The following FGFR1OP2 variants were observed in gnomAD, a reference collection of about 807,000 sequenced individuals.
FGFR1OP2 encodes fibroblast growth factor receptor 1 oncogene partner 2.
FGFR1OP2 carries 17 observed loss-of-function variants against 35.2 expected under a neutral mutation model. The observed-to-expected ratio is 0.48, with a 90% CI of 0.33 to 0.73. The LOEUF is 0.73. Among genes scored for constraint, FGFR1OP2 ranks in the 30% least tolerant of loss-of-function variants. The pLI is 0.02. For missense variants in FGFR1OP2, 251 were observed against 307.3 expected, an observed-to-expected ratio of 0.82 and a Z score of 1.37; for synonymous variants, 105 against 104.6, an observed-to-expected ratio of 1.00 and a Z score of -0.03.
At chr12:26,956,087 ATTC>A (rs1281073926) in intron 2 of FGFR1OP2, among the ~76,000 whole-genome samples, 2 of 152,088 alleles carry the variant, frequency 1.3e-5, no homozygotes, top group African/African-American at 4.8e-5. Flanking sequence ...CAGCGTGATA[ATTC>A]TTCTTCCGAT....
At chr12:26,959,328 G>T (rs1939069476) in intron 4 of FGFR1OP2, among the ~76,000 whole-genome samples, 1 of 151,848 alleles carries the variant, frequency 6.6e-6, no homozygotes, top group African/African-American at 2.4e-5. Context: ...AAATTTAAAG[G>T]TATAATAATA....
At chr12:26,953,034 G>A (rs748991813) in intron 1 of FGFR1OP2, among the ~76,000 whole-genome samples, 2 of 151,954 alleles carry the variant, frequency 1.3e-5, no homozygotes, top group Admixed American at 6.6e-5. Context: ...AGGCCAAGGC[G>A]GGCGGATCAT....
intron 2 of FGFR1OP2, 39 bp downstream of exon 2, chr12:26,954,332 G>C: frequency 6.4e-7 from 1 of 1,556,050 alleles, no homozygotes; most frequent in Non-Finnish European, 8.7e-7. Context: ...TTTATCAAAA[G>C]CAGTCATTGA....
At chr12:26,949,318 T>C (rs1938878624) in intron 1 of FGFR1OP2, among the ~76,000 whole-genome samples, 1 of 151,970 alleles carries the variant, frequency 6.6e-6, no homozygotes, top group Non-Finnish European at 1.5e-5. Flanking sequence ...TTGTATTTAG[T>C]AGAGATGGGG....
At chr12:26,950,213 G>GTTGTTTTTTTTTTTTTTTTTTTTTTT (rs1938898866) in intron 1 of FGFR1OP2, among the ~76,000 whole-genome samples, 4 of 50,934 alleles carry the variant, frequency 7.9e-5, no homozygotes, top group African/African-American at 3.2e-4. Context: ...TGTATTCGTT[G>GTTGTTTTTTTTTTTTTTTTTTTTTTT]TTTTTTTTTT....
Position 26,956,659 on chromosome 12 carries a change from A to G in FGFR1OP2, c.252A>G (p.Lys84=). ...TCAGAGAGTTGCAACAAGAAAACAA[A>G]GGTAAGATACGTTACTTTTTGACAT... ...RQIRELQQEN[K]ELRTSLEEHQ... Residue 84 remains lysine (K), a splice_region_variant and synonymous_variant, in exon 3 of 7, where the codon AAA becomes AAG. Transcript: ENST00000229395. The G allele has an allele frequency of 6.4e-7, 1 of 1,562,278 alleles. No homozygotes were observed.
At chr12:26,958,483 T>C (rs2136358718) in intron 4 of FGFR1OP2, among the ~76,000 whole-genome samples, 1 of 152,350 alleles carries the variant, frequency 6.6e-6, no homozygotes, top group African/African-American at 2.4e-5. Context: ...AATGTAGATT[T>C]TTCTTAAGAC....
chr12:26,945,866 A>G (rs1337340798), intron 1 of FGFR1OP2, among the ~76,000 whole-genome samples: 1 of 152,112 alleles, frequency 6.6e-6, no homozygotes, highest in Non-Finnish European at 1.5e-5. Context: ...CGTCTCAAAA[A>G]AAAAAAAAAA....
intron 4 of FGFR1OP2, 56 bp from the exon 5 acceptor site, chr12:26,960,459 A>G: frequency 1.6e-6 from 2 of 1,285,240 alleles, no homozygotes; most frequent in Admixed American, 3.7e-5. Context: ...ACACTCATTC[A>G]GTTTTTAAAT....
At chr12:26,941,211 G>A (rs1047176689) in intron 1 of FGFR1OP2, among the ~76,000 whole-genome samples, 1 of 152,006 alleles carries the variant, frequency 6.6e-6, no homozygotes, top group African/African-American at 2.4e-5. Context: ...TATAAAAATA[G>A]GCCGAAAAGT....
chr12:26,955,936 T>C (rs1939011131), intron 2 of FGFR1OP2, among the ~76,000 whole-genome samples: 1 of 152,156 alleles, frequency 6.6e-6, no homozygotes, highest in Non-Finnish European at 1.5e-5. Flanking sequence ...GTCCGACCTG[T>C]GACTTGCTGG....
rs1390505515 is a variant in FGFR1OP2, at chr12:26,964,683, T to A, written c.712T>A (p.Ser238Thr). Residue 238 changes from serine to threonine, a missense_variant, in exon 7 of 7, where the codon TCT (serine) becomes ACT (threonine). Physicochemically the swap from Ser to Thr is moderately conservative, Grantham distance 58 (BLOSUM62 1). Coordinates refer to ENST00000229395, the MANE Select transcript of FGFR1OP2 (RefSeq NM_015633.3). The part of the protein sequence containing the change: ...LRKDDASEST[S>T]LSALVTNSDL... ...GAAAGATGATGCGTCGGAAAGTACT[T>A]CTTTGTCAGCATTAGTGACCAACAG... is the stretch of plus-strand genomic sequence containing the variant. 1 of 1,611,992 alleles carries A rather than the reference T, an allele frequency of 6.2e-7. No individual in the cohort carries two copies. Among genetic ancestry groups the A allele is most frequent in the African/African-American group, 1.3e-5 (1 of 74,880 alleles).
At chr12:26,961,082 A>G (rs17407618) in intron 5 of FGFR1OP2, 2,717 of 154,536 alleles carry the variant, frequency 0.018, 43 homozygotes, top group South Asian at 0.052. Flanking sequence ...GATTAAGTAT[A>G]GTAGTGCTCT....
chr12:26,959,030 C>T (rs556739645), intron 4 of FGFR1OP2, among the ~76,000 whole-genome samples: 3 of 152,116 alleles, frequency 2.0e-5, no homozygotes, highest in African/African-American at 7.2e-5. Context: ...TAAAATACTT[C>T]TTCCATTTTG....
intron 1 of FGFR1OP2, among the ~76,000 whole-genome samples, chr12:26,953,898 C>A (rs927658150): frequency 6.6e-6 from 1 of 152,156 alleles, no homozygotes; most frequent in Admixed American, 6.5e-5. Flanking sequence ...GTTTTAAATG[C>A]GTTCTAGTTC....
chr12:26,950,717 A>G (rs903379712), intron 1 of FGFR1OP2, among the ~76,000 whole-genome samples: 3 of 152,196 alleles, frequency 2.0e-5, no homozygotes, highest in Non-Finnish European at 4.4e-5. Flanking sequence ...ATTTTATCAC[A>G]GTGACTGATG....
At chr12:26,939,096 A>T (rs924460420) in intron 1 of FGFR1OP2, among the ~76,000 whole-genome samples, 2 of 152,090 alleles carry the variant, frequency 1.3e-5, no homozygotes, top group African/African-American at 4.8e-5. Context: ...TCCAAGGGGT[A>T]TTACTCTTTT....
At chr12:26,957,118 T>C (rs1373253941) in intron 3 of FGFR1OP2, among the ~76,000 whole-genome samples, 1 of 152,210 alleles carries the variant, frequency 6.6e-6, no homozygotes, top group East Asian at 1.9e-4. Context: ...AACTCTTTGC[T>C]CTTGCCAACA....
chr12:26,964,570 C>T lies in FGFR1OP2; in HGVS notation c.625-26C>T. ...GTAGCTACCTTGTAGATAGTGACTG[C>T]ATCTTTGTTTTTGCTTGCCTTTTAG... On this transcript the variant is annotated intron_variant, in intron 6 of 6. Transcript: ENST00000229395. 1.9e-6 allele frequency: 3 copies of T among 1,605,498 alleles called. No homozygotes were observed. In the South Asian group the frequency reaches 3.3e-5, roughly 18 times the overall value.
Sources: gnomAD v4.1 joint callset for allele counts (sites outside exome capture counted in the v4.1 genomes callset) on GRCh38, gnomAD v4.1.1 for gene constraint, MANE v1.5 for transcripts, NCBI Gene and HGNC (gene_info 2026-07-23, HGNC 2026-07-21) for gene names.